Variants in ADGRG1 observed in about 807,000 individuals in gnomAD.
ADGRG1 encodes the protein 7-transmembrane protein with no EGF-like N-terminal domains-1.
A neutral mutation model predicts 73.5 loss-of-function variants in ADGRG1; 53 were observed. The ratio of observed to expected loss-of-function variants is 0.72; its 90% confidence interval spans 0.58 to 0.91. The LOEUF is 0.91. Among genes scored for constraint, ADGRG1 ranks in the 40% least tolerant of loss-of-function variants. ADGRG1 has a pLI of 0.00. For missense variants in ADGRG1, 795 were observed against 871.8 expected (o/e 0.91, Z 1.11); for synonymous variants, 394 against 374.4 (o/e 1.05, Z -0.60).
intron 1 of ADGRG1, chr16:57,648,362 GC>G (rs1260829520): frequency 1.6e-6 from 1 of 628,976 alleles, no homozygotes; most frequent in Non-Finnish European, 2.0e-6. Flanking sequence ...GGGAAATGGT[GC>G]CCTTCCCTAA....
Position 57,653,427 on chromosome 16 carries a change from G to A in ADGRG1, c.620+92G>A, listed in dbSNP as rs1364438280. 7 of 1,576,140 alleles carry A rather than the reference G, an allele frequency of 4.4e-6. 1 individual carries two copies. The Middle Eastern group carries it at 5.1e-4, about 116-fold the overall frequency. On this transcript the variant is annotated intron_variant, in intron 4 of 13. Coordinates refer to ENST00000562631, the MANE Select transcript of ADGRG1 (RefSeq NM_201525.4). ...TGGGACCTGGAGTAGGGGCTACTGC[G>A]AGGCCTTCCCTGGGACTGGAATGCT...
intron 12 of ADGRG1, chr16:57,661,211 A>G (rs986173783): frequency 1.3e-5 from 11 of 857,540 alleles, no homozygotes; most frequent in Non-Finnish European, 1.5e-5. Context: ...ATGGGAAGAC[A>G]GAGGCTCAGG....
intron 10 of ADGRG1, among the ~76,000 whole-genome samples, chr16:57,658,357 G>A (rs1205127373): frequency 6.6e-6 from 1 of 152,236 alleles, no homozygotes; most frequent in African/African-American, 2.4e-5. Context: ...CACACAGCAA[G>A]GAAGTGGCAG....
chr16:57,661,005 C>T, intron 12 of ADGRG1, 129 bp downstream of exon 12: 1 of 727,060 alleles, frequency 1.4e-6, no homozygotes. Context: ...ATTGGCCTGG[C>T]AGTGGCTGAA....
At chr16:57,631,200 G>A (rs2037797749) in intron 1 of ADGRG1, 3 of 987,106 alleles carry the variant, frequency 3.0e-6, no homozygotes, top group African/African-American at 3.5e-5. Context: ...CAGGAGAGAG[G>A]TGGCAGAGCT....
At chr16:57,628,863 AGTGTGTGAGCGTGAGTGTGTGAGAGT>A (rs2036494242) in intron 1 of ADGRG1, 61 bp downstream of exon 1, 1 of 980,970 alleles carries the variant, frequency 1.0e-6, no homozygotes, top group African/African-American at 1.8e-5. Flanking sequence ...TGAGAGTGTG[AGTGTGTGAGCGTGAGTGTGTGAGAGT>A]GTGAGTGTGT....
intron 5 of ADGRG1, among the ~76,000 whole-genome samples, 177 bp downstream of exon 5, chr16:57,654,310 G>A (rs2044931179): frequency 6.6e-6 from 1 of 152,090 alleles, no homozygotes; most frequent in Admixed American, 6.5e-5. Context: ...GTGGGATTGA[G>A]GACCCTGTGT....
chr16:57,651,399 C>T lies in ADGRG1; in HGVS notation c.264C>T (p.Tyr88=), dbSNP rs2044058463. 1 of 1,614,218 alleles carries T rather than the reference C, an allele frequency of 6.2e-7. No individual in the cohort carries two copies. The highest frequency in any genetic ancestry group is 8.5e-7 in the Non-Finnish European group (1 of 1,180,024). ...SRSFPDPRGL[Y]HFCLYWNRHA... The stretch of plus-strand genomic sequence containing the variant: ...CCTTCCCTGACCCCAGGGGCCTCTA[C>T]CACTTCTGCCTCTACTGGAACCGAC... The change falls in exon 3 of 14, where the codon TAC becomes TAT. Residue 88 remains tyrosine, a synonymous_variant. Transcript: ENST00000562631.
At chr16:57,648,389 T>A in intron 1 of ADGRG1, 1 of 926,708 alleles carries the variant, frequency 1.1e-6, no homozygotes, top group Non-Finnish European at 1.3e-6. Context: ...TTTCACATCC[T>A]TCTTCTCAAA....
chr16:57,641,162 C>G (rs544063003), intron 1 of ADGRG1: 1 of 792,802 alleles, frequency 1.3e-6, no homozygotes, highest in Non-Finnish European at 1.5e-6. Flanking sequence ...ATCAGAGTTG[C>G]CCACTTGACA....
chr16:57,639,518 C>G (rs1277832710), intron 1 of ADGRG1: 2 of 985,314 alleles, frequency 2.0e-6, no homozygotes, highest in Non-Finnish European at 2.4e-6. Context: ...CTGGGGTGGC[C>G]CAGCTTCAAA....
At chr16:57,657,997 C>T (rs2046170272) in intron 10 of ADGRG1, among the ~76,000 whole-genome samples, 1 of 152,112 alleles carries the variant, frequency 6.6e-6, no homozygotes, top group Non-Finnish European at 1.5e-5. Context: ...CCACCTCAGC[C>T]CCCCGAAGCG....
rs1258649975 is a variant in ADGRG1 at position 57,663,660 on chromosome 16, C to T, written c.*78C>T. ...ACTGCCTGTGGCCCCCGAGCCCGGC[C>T]CAGCCCCAGGCCAGTCAGCCGCAGA... On this transcript the variant is annotated 3_prime_UTR_variant, in exon 14 of 14. Coordinates refer to ENST00000562631, the MANE Select transcript of ADGRG1 (RefSeq NM_201525.4). The T allele has an allele frequency of 1.3e-6, 2 of 1,500,060 alleles. No individual in the cohort carries two copies. Among genetic ancestry groups the T allele is most frequent in the African/African-American group, 2.7e-5 (2 of 72,860 alleles). 92.9% of individuals were successfully genotyped at this position (1,500,060 alleles called of 1,614,324 possible).
At chr16:57,645,434 GCCCC>G in intron 1 of ADGRG1, 1 of 628,040 alleles carries the variant, frequency 1.6e-6, no homozygotes, top group Non-Finnish European at 2.0e-6. Flanking sequence ...CCCTTCCAGG[GCCCC>G]GCTAAATGCT....
At position 57,663,844 on chromosome 16, in the gene ADGRG1, C is replaced by A. The variant is rs763461769; in HGVS notation, c.*262C>A. On this transcript the variant is annotated 3_prime_UTR_variant, in exon 14 of 14. Coordinates refer to ENST00000562631, the MANE Select transcript of ADGRG1 (RefSeq NM_201525.4). ...CATGCTGCCTAGGGTACTGTCCCCA[C>A]ATCTGTCCCAACCCAGCTGGAGGCC... The A allele has an allele frequency of 3.6e-6, 2 of 552,352 alleles. No individual in the cohort carries two copies. Among genetic ancestry groups the A allele is most frequent in the Non-Finnish European group, 6.5e-6 (2 of 306,284 alleles). 34.2% of individuals were successfully genotyped at this position (552,352 alleles called of 1,614,324 possible).
At chr16:57,656,473 G>A in intron 8 of ADGRG1, 41 bp from the exon 9 acceptor site, 1 of 1,586,114 alleles carries the variant, frequency 6.3e-7, no homozygotes, top group Non-Finnish European at 8.7e-7. Context: ...GGGTCCTGGA[G>A]GACTGGACTT....
chr16:57,646,864 G>A (rs934649198), intron 1 of ADGRG1: 60 of 909,586 alleles, frequency 6.6e-5, no homozygotes, highest in Non-Finnish European at 7.8e-5. Context: ...TTGCGGGGGT[G>A]TTGCTAGAAT....
chr16:57,642,167 C>T (rs1214565900), intron 1 of ADGRG1: 1 of 985,302 alleles, frequency 1.0e-6, no homozygotes, highest in Non-Finnish European at 1.2e-6. Context: ...GAGATGAAGT[C>T]ACAGGCCCAG....
At chr16:57,663,021 T>C in intron 13 of ADGRG1, 2 of 984,996 alleles carry the variant, frequency 2.0e-6, no homozygotes, top group Non-Finnish European at 2.4e-6. Flanking sequence ...GGATTGTAAG[T>C]GAGGCCCATA....
Sources: allele counts gnomAD v4.1 joint callset (sites outside exome capture counted in the v4.1 genomes callset), GRCh38; gene constraint gnomAD v4.1.1; transcripts MANE v1.5; gene names NCBI Gene and HGNC (gene_info 2026-07-23, HGNC 2026-07-21).